The following ZNF454 variants were observed in gnomAD, a reference collection of about 807,000 sequenced individuals.
The protein encoded by ZNF454 is zinc finger protein 454.
In ZNF454, 30 loss-of-function variants were observed where a neutral mutation model predicts 48.2. That is an observed-to-expected ratio of 0.62 (90% CI 0.47 to 0.84). The LOEUF is 0.84. Among genes scored for constraint, ZNF454 ranks in the 40% least tolerant of loss-of-function variants. The pLI, the probability that ZNF454 is intolerant of heterozygous loss-of-function variation, is 0.00. For missense variants in ZNF454, 510 were observed against 623.1 expected (o/e 0.82, Z 1.93); for synonymous variants, 204 against 211.4 (o/e 0.97, Z 0.30).
chr5:178,985,801 A>T, the ZNF454 span: 6 of 517,678 alleles, frequency 1.2e-5, no homozygotes, highest in Non-Finnish European at 2.2e-5. Flanking sequence ...TTACTCTGAC[A>T]CCCAAGCTGG....
In ZNF454 at chr5:178,946,887, T is replaced by G. The variant is rs1170230872; in HGVS notation, c.161-10T>G. On this transcript the variant is annotated splice_polypyrimidine_tract_variant and intron_variant, in intron 3 of 4. Transcript: ENST00000519564. The surrounding 1 kb of genome is among the most constrained non-coding windows in gnomAD (Gnocchi z 4.5). ...AGATGTGGTTCATTTTTGTCTCCCC[T>G]TAAAAACAGGACTCTTAGGACCCAA... 3 of 1,612,708 alleles carry G rather than the reference T, an allele frequency of 1.9e-6. No individual in the cohort carries two copies. Among genetic ancestry groups the G allele is most frequent in the Non-Finnish European group, 2.5e-6 (3 of 1,179,260 alleles).
the ZNF454 span, chr5:178,989,739 C>G: frequency 2.4e-6 from 1 of 408,834 alleles, no homozygotes; most frequent in African/African-American, 2.0e-5. Context: ...CTCCTTCTTT[C>G]CTGTTAGGAT....
At chr5:178,986,961 C>T in the ZNF454 span, 13 of 1,613,832 alleles carry the variant, frequency 8.1e-6, no homozygotes, top group African/African-American at 1.2e-4. Context: ...TCTCGTTGAA[C>T]ATCACAGGGG....
chr5:178,987,712 G>A, the ZNF454 span, among the ~76,000 whole-genome samples: 1 of 152,118 alleles, frequency 6.6e-6, no homozygotes, highest in Non-Finnish European at 1.5e-5. Context: ...TAGATGAAGA[G>A]TTCTGGGGAT....
the ZNF454 span, chr5:178,989,202 CCCCTCCCCACCCTCACCA>C: frequency 2.6e-5 from 34 of 1,317,682 alleles, no homozygotes; most frequent in African/African-American, 1.1e-4. Flanking sequence ...TCCCGCCTTC[CCCCTCCCCACCCTCACCA>C]CCCTCCCCAC....
chr5:178,989,955 G>C, the ZNF454 span: 1 of 205,506 alleles, frequency 4.9e-6, no homozygotes, highest in Non-Finnish European at 9.9e-6. Context: ...TGCCTTTATC[G>C]CTAAAACTAC....
At chr5:178,948,601 G>T (rs1409196625) in intron 4 of ZNF454, among the ~76,000 whole-genome samples, 1 of 152,112 alleles carries the variant, frequency 6.6e-6, no homozygotes, top group Admixed American at 6.5e-5. Context: ...CAGTGCATCT[G>T]GGCCCCTGCC....
At chr5:178,979,715 A>G in the ZNF454 span, 7 of 152,260 alleles carry the variant, frequency 4.6e-5, no homozygotes, top group African/African-American at 1.7e-4. Flanking sequence ...AAAACTGTGG[A>G]AAAGTTTTCA....
rs1030996638 is a variant in ZNF454 at position 178,965,712 on chromosome 5, G to A, written c.1308G>A (p.Gly436=). 6 of 1,613,934 alleles carry A rather than the reference G, an allele frequency of 3.7e-6. No individual in the cohort carries two copies. The highest frequency in any genetic ancestry group is 1.3e-5 in the African/African-American group (1 of 74,860). ...CCCAACATCAGAGAATTCATACTGG[G>A]GAAAAACCTTATACATGTAACATAT... ...ALAQHQRIHT[G]EKPYTCNICE... The change falls in exon 5 of 5, where the codon GGG becomes GGA. Residue 436 remains glycine (G), a synonymous_variant. Transcript: ENST00000519564. This position sits in a 1 kb window ranked among gnomAD's most constrained non-coding sequence, Gnocchi z 5.2.
intron 4 of ZNF454, among the ~76,000 whole-genome samples, chr5:178,952,709 T>G (rs566259425): frequency 1.3e-5 from 2 of 152,152 alleles, no homozygotes; most frequent in South Asian, 4.2e-4. Flanking sequence ...TCTCAGTATG[T>G]ATTTGTTGAA....
rs933736909 is a variant in ZNF454 at position 178,966,138 on chromosome 5, G to A, written c.*165G>A. ...TCATGGGGTTTGGGCATTTAAGAAT[G>A]GCAAACACTCGGCTGGGCACAGTGG... On this transcript the variant is annotated 3_prime_UTR_variant, in exon 5 of 5. Transcript: ENST00000519564. 1 of 637,118 alleles carries A rather than the reference G, an allele frequency of 1.6e-6. No homozygotes were observed. The highest frequency in any genetic ancestry group is 1.8e-5 in the African/African-American group (1 of 54,910). The allele number at this position is 637,118 out of a possible 1,614,324, so 39.5% of individuals were successfully genotyped here.
chr5:178,981,435 C>T, the ZNF454 span: 1,891 of 552,248 alleles, frequency 3.4e-3, 31 homozygotes, highest in African/African-American at 0.032. This position sits in a 1 kb window ranked among gnomAD's most constrained non-coding sequence, Gnocchi z 5.1. Flanking sequence ...CCATGGGAAG[C>T]GAGTCTGGTC....
intron 4 of ZNF454, among the ~76,000 whole-genome samples, chr5:178,964,356 G>A (rs13177030): frequency 0.14 from 21,352 of 151,970 alleles, 1,639 homozygotes; most frequent in South Asian, 0.17. Flanking sequence ...TCCTGACCTC[G>A]TGATCCACCC....
the ZNF454 span, chr5:178,986,404 C>T: frequency 6.2e-6 from 10 of 1,613,730 alleles, no homozygotes; most frequent in Middle Eastern, 1.6e-4. Flanking sequence ...GCCCGAGGCC[C>T]GGACGATGGG....
the ZNF454 span, chr5:178,981,828 G>C: frequency 1.9e-6 from 3 of 1,612,246 alleles, no homozygotes; most frequent in African/African-American, 4.0e-5. The surrounding 1 kb of genome is among the most constrained non-coding windows in gnomAD (Gnocchi z 5.1). Context: ...TCAAGGACAC[G>C]GTTAGCGTGG....
intron 4 of ZNF454, among the ~76,000 whole-genome samples, chr5:178,957,978 A>G (rs1420284971): frequency 1.3e-5 from 2 of 152,240 alleles, no homozygotes; most frequent in East Asian, 3.8e-4. Flanking sequence ...GTTTTTAATC[A>G]CAATCAATAA....
the ZNF454 span, chr5:178,986,578 G>A: frequency 6.2e-7 from 1 of 1,607,268 alleles, no homozygotes; most frequent in Non-Finnish European, 8.5e-7. Context: ...CATGTCCCCA[G>A]GACAGGCCTC....
chr5:178,976,128 C>T, the ZNF454 span: 3 of 455,900 alleles, frequency 6.6e-6, no homozygotes, highest in East Asian at 2.1e-4. Context: ...GACCCCATCC[C>T]CCAGATATCC....
the ZNF454 span, chr5:178,986,300 C>T: frequency 8.9e-5 from 143 of 1,613,922 alleles, no homozygotes; most frequent in Non-Finnish European, 1.1e-4. Context: ...AGCCTGCGGG[C>T]GGCACAGACC....
Sources: allele counts gnomAD v4.1 joint callset (sites outside exome capture counted in the v4.1 genomes callset), GRCh38; gene constraint gnomAD v4.1.1; non-coding constraint Gnocchi (gnomAD v3.1); transcripts MANE v1.5; gene names NCBI Gene and HGNC (gene_info 2026-07-23, HGNC 2026-07-21).